CTNNA3: variants seen among roughly 807,000 people sequenced by gnomAD.
The protein encoded by CTNNA3 is catenin alpha-3.
In CTNNA3, 76 loss-of-function variants were observed where a neutral mutation model predicts 95.7. That is an observed-to-expected ratio of 0.79 (90% CI 0.66 to 0.96). The LOEUF (loss-of-function observed/expected upper bound fraction) is 0.96, where lower values mean the gene tolerates loss of function less well. Among genes scored for constraint, CTNNA3 ranks in the 40% least tolerant of loss-of-function variants. The pLI, the probability that CTNNA3 is intolerant of heterozygous loss-of-function variation, is 0.00. For synonymous variants in CTNNA3, 431 were observed against 374.4 expected (o/e 1.15, Z -1.74); for missense variants, 1,191 against 1,089.8 (o/e 1.09, Z -1.31).
At chr10:67,521,331 A>G (rs971028741) in intron 5 of CTNNA3, among the ~76,000 whole-genome samples, 2 of 152,200 alleles carry the variant, frequency 1.3e-5, no homozygotes, top group East Asian at 3.8e-4. Context: ...TTGTATTTGA[A>G]AAGTAAATCT....
At chr10:67,258,981 T>C (rs1488996099) in intron 5 of CTNNA3, among the ~76,000 whole-genome samples, 2 of 152,180 alleles carry the variant, frequency 1.3e-5, no homozygotes, top group African/African-American at 4.8e-5. Flanking sequence ...TTACACATAA[T>C]ACCTAATATA....
chr10:67,228,109 C>T (rs925643881), intron 5 of CTNNA3, among the ~76,000 whole-genome samples: 1 of 152,016 alleles, frequency 6.6e-6, no homozygotes, highest in Non-Finnish European at 1.5e-5. Flanking sequence ...ACGGCTATAC[C>T]TCAAGGAACT....
chr10:66,191,517 A>G (rs945387327), intron 13 of CTNNA3, among the ~76,000 whole-genome samples: 3 of 151,876 alleles, frequency 2.0e-5, no homozygotes, highest in Admixed American at 2.0e-4. Context: ...CTACAGTCCC[A>G]TAGGTGTACT....
intron 7 of CTNNA3, among the ~76,000 whole-genome samples, chr10:66,825,747 G>T (rs183332695): frequency 3.9e-5 from 6 of 152,040 alleles, no homozygotes; most frequent in Admixed American, 3.9e-4. Flanking sequence ...CTCTGTTCGG[G>T]TCAAAGAAGT....
rs1841613865 is a variant in CTNNA3, at chr10:67,327,972, T to C, written c.580-108102A>G. On this transcript the variant is annotated intron_variant, in intron 5 of 17. Coordinates refer to ENST00000433211, the MANE Select transcript of CTNNA3 (RefSeq NM_013266.4). ...TCAGGCATGGGAGGATCCACCATTC[T>C]CTGCAGAGTGTTACCATAAGGGCAG... 2.0e-5 allele frequency among the ~76,000 whole-genome samples: 3 copies of C among 152,128 alleles called. No homozygotes were observed. In the South Asian group the frequency reaches 6.2e-4, roughly 32 times the overall value.
intron 7 of CTNNA3, among the ~76,000 whole-genome samples, chr10:66,826,132 T>TTGATG (rs1842501352): frequency 1.3e-5 from 2 of 152,204 alleles, no homozygotes. Flanking sequence ...AGTATGTTTC[T>TTGATG]TGATGGTGTT....
intron 5 of CTNNA3, among the ~76,000 whole-genome samples, chr10:67,389,351 G>C (rs1844346535): frequency 6.7e-6 from 1 of 150,052 alleles, no homozygotes; most frequent in Admixed American, 6.6e-5. Flanking sequence ...AATTCAACAA[G>C]AAGAGCTAAC....
intron 5 of CTNNA3, among the ~76,000 whole-genome samples, chr10:67,253,823 T>C (rs986568619): frequency 6.6e-6 from 1 of 152,162 alleles, no homozygotes; most frequent in African/African-American, 2.4e-5. Flanking sequence ...CTGGGTTTTA[T>C]GGGCCCAGGA....
At chr10:65,970,081 T>C (rs2133267055) in intron 16 of CTNNA3, among the ~76,000 whole-genome samples, 1 of 152,128 alleles carries the variant, frequency 6.6e-6, no homozygotes, top group East Asian at 1.9e-4. Context: ...CTTCTCTACA[T>C]AAACCTTATT....
chr10:66,606,054 T>A (rs562222656), intron 10 of CTNNA3, among the ~76,000 whole-genome samples: 1 of 152,006 alleles, frequency 6.6e-6, no homozygotes, highest in Admixed American at 6.6e-5. Context: ...ATGACACCCA[T>A]AGGCTCAAAA....
At chr10:66,424,152 A>G (rs61867162) in intron 11 of CTNNA3, among the ~76,000 whole-genome samples, 40,258 of 151,916 alleles carry the variant, frequency 0.27, 5,493 homozygotes, top group South Asian at 0.39. Flanking sequence ...GCACTACTTT[A>G]TTTACAGTAT....
At chr10:66,857,757 G>A (rs951997204) in intron 7 of CTNNA3, among the ~76,000 whole-genome samples, 2 of 151,920 alleles carry the variant, frequency 1.3e-5, no homozygotes, top group African/African-American at 4.8e-5. Context: ...CGTTGATTTT[G>A]TATCCTGAAA....
chr10:67,332,300 G>A (rs1480861225), intron 5 of CTNNA3, among the ~76,000 whole-genome samples: 1 of 152,066 alleles, frequency 6.6e-6, no homozygotes, highest in African/African-American at 2.4e-5. Context: ...TCTTTTTAGT[G>A]TTGAAAAATG....
intron 5 of CTNNA3, among the ~76,000 whole-genome samples, chr10:67,402,457 T>A (rs1235199072): frequency 6.6e-6 from 1 of 152,188 alleles, no homozygotes; most frequent in Non-Finnish European, 1.5e-5. Flanking sequence ...TAGAAGTAGC[T>A]ATGGTGCATG....
intron 9 of CTNNA3, among the ~76,000 whole-genome samples, chr10:66,752,364 C>A (rs142430212): frequency 1.3e-5 from 2 of 152,122 alleles, no homozygotes; most frequent in African/African-American, 4.8e-5. Flanking sequence ...CAGCAAATAA[C>A]GCTGAAACAA....
chr10:67,515,463 A>C (rs1839781851), intron 5 of CTNNA3, among the ~76,000 whole-genome samples: 1 of 152,250 alleles, frequency 6.6e-6, no homozygotes, highest in South Asian at 2.1e-4. Flanking sequence ...AAATTGCATA[A>C]GTAGTGGATA....
intron 11 of CTNNA3, among the ~76,000 whole-genome samples, chr10:66,406,695 A>G (rs2093060143): frequency 6.6e-6 from 1 of 152,156 alleles, no homozygotes; most frequent in Admixed American, 6.6e-5. Context: ...ACCTGCTCCT[A>G]GTTCAAATAC....
intron 15 of CTNNA3, among the ~76,000 whole-genome samples, chr10:66,019,999 T>C (rs904060051): frequency 1.3e-5 from 2 of 152,258 alleles, no homozygotes; most frequent in Non-Finnish European, 2.9e-5. Flanking sequence ...TCTCCAATGC[T>C]ACCTGATTTT....
intron 12 of CTNNA3, among the ~76,000 whole-genome samples, chr10:66,351,808 A>C (rs2092569083): frequency 6.6e-6 from 1 of 152,008 alleles, no homozygotes; most frequent in African/African-American, 2.4e-5. Context: ...AAGATCTCTC[A>C]TATACAATTC....
Sources: allele counts gnomAD v4.1 joint callset (sites outside exome capture counted in the v4.1 genomes callset), GRCh38; gene constraint gnomAD v4.1.1; transcripts MANE v1.5; gene names NCBI Gene and HGNC (gene_info 2026-07-23, HGNC 2026-07-21).